BAZ2B: variants seen among roughly 807,000 people sequenced by gnomAD.
The protein encoded by BAZ2B is bromodomain adjacent to zinc finger domain protein 2B.
In BAZ2B, 91 loss-of-function variants were observed where a neutral mutation model predicts 246.0. The observed-to-expected ratio is 0.37, with a 90% confidence interval of 0.31 to 0.44. BAZ2B has a LOEUF of 0.44. Among genes scored for constraint, BAZ2B ranks in the 20% least tolerant of loss-of-function variants. BAZ2B has a pLI of 1.00. For synonymous variants in BAZ2B, 855 were observed against 860.0 expected, an observed-to-expected ratio of 0.99 and a Z score of 0.10; for missense variants, 2,332 against 2,533.7, an observed-to-expected ratio of 0.92 and a Z score of 1.71.
At chr2:159,416,685 A>G (rs2067779615) in intron 13 of BAZ2B, among the ~76,000 whole-genome samples, 1 of 152,226 alleles carries the variant, frequency 6.6e-6, no homozygotes, top group African/African-American at 2.4e-5. Flanking sequence ...CAAAAGAGGA[A>G]CAAAATATGT....
At position 159,433,008 on chromosome 2, in the gene BAZ2B, G is replaced by A; in HGVS notation, c.1649C>T (p.Pro550Leu). Residue 550 changes from proline to leucine, a missense_variant, in exon 9 of 37, where the codon CCT (proline) becomes CTT (leucine). Pro to Leu is a moderately conservative substitution (Grantham distance 98). Around this residue, in one of 9 missense-constraint regions of BAZ2B, gnomAD observed 651 missense variants for 650.9 expected, o/e 1.00. Coordinates refer to ENST00000392783, the MANE Select transcript of BAZ2B (RefSeq NM_013450.4). ...GATGGGAGAGGCAGAGGGCATTACA[G>A]GTGTCTGATTGCCAGGGGTTCTTCT... ...SGRRTPGNQT[P>L]VMPSASPILH... 1 of 1,614,174 alleles carries A rather than the reference G, an allele frequency of 6.2e-7. No homozygotes were observed.
chr2:159,423,687 T>C (rs2069204337), intron 13 of BAZ2B, among the ~76,000 whole-genome samples: 1 of 152,202 alleles, frequency 6.6e-6, no homozygotes, highest in South Asian at 2.1e-4. Flanking sequence ...TATGCAGCCA[T>C]AGAAAGAATG....
chr2:159,478,644 C>G lies in BAZ2B; in HGVS notation c.76G>C (p.Ala26Pro), dbSNP rs1443737572. 6.2e-7 allele frequency: 1 copy of G among 1,611,300 alleles called. No individual in the cohort carries two copies. Among genetic ancestry groups the G allele is most frequent in the Non-Finnish European group, 8.5e-7 (1 of 1,178,388 alleles). Reference protein sequence around the residue: ...TPTSSSTPSVASVVSKGGLST... With the variant: ...TPTSSSTPSVPSVVSKGGLST... The stretch of plus-strand genomic sequence containing the variant: ...AGGCCACCTTTTGAAACTACTGAAG[C>G]CACAGAAGGTGTCGAAGATGAAGTT... The change falls in exon 3 of 37, where the codon GCT (alanine) becomes CCT (proline). Residue 26 changes from alanine to proline, a missense_variant. Coordinates refer to ENST00000392783, the MANE Select transcript of BAZ2B (RefSeq NM_013450.4).
chr2:159,597,026 G>T (rs1284848895), intron 1 of BAZ2B, among the ~76,000 whole-genome samples: 1 of 152,194 alleles, frequency 6.6e-6, no homozygotes, highest in African/African-American at 2.4e-5. Flanking sequence ...GTGTAGAAGT[G>T]TTCACTGTTC....
chr2:159,677,224 T>A, the BAZ2B span, among the ~76,000 whole-genome samples: 1 of 151,584 alleles, frequency 6.6e-6, no homozygotes, highest in Non-Finnish European at 1.5e-5. Context: ...AATACACAGC[T>A]TCCTTCATTT....
chr2:159,679,271 CAAAAAAAAAAAAA>C, the BAZ2B span, among the ~76,000 whole-genome samples: 1 of 64,468 alleles, frequency 1.6e-5, no homozygotes, highest in Non-Finnish European at 2.9e-5. Flanking sequence ...GACTTCATCT[CAAAAAAAAAAAAA>C]AAAAAAAAAA....
chr2:159,628,465 A>C, the BAZ2B span, among the ~76,000 whole-genome samples: 1 of 152,204 alleles, frequency 6.6e-6, no homozygotes, highest in Non-Finnish European at 1.5e-5. Context: ...CTGGTACCGA[A>C]ACAGATATAT....
intron 2 of BAZ2B, among the ~76,000 whole-genome samples, chr2:159,483,638 C>A (rs2079497187): frequency 6.6e-6 from 1 of 151,658 alleles, no homozygotes; most frequent in African/African-American, 2.4e-5. Context: ...TTAGCAAGAC[C>A]CACGCGGTAG....
upstream of BAZ2B, among the ~76,000 whole-genome samples, chr2:159,619,368 A>G (rs1246004401): frequency 6.6e-6 from 1 of 151,722 alleles, no homozygotes. Context: ...ATGTCTTCTA[A>G]AGACATTTTA....
chr2:159,318,164 CA>C (rs563858514), downstream of BAZ2B, among the ~76,000 whole-genome samples: 1 of 150,030 alleles, frequency 6.7e-6, no homozygotes, highest in African/African-American at 2.5e-5. Context: ...ATCTCTAAGG[CA>C]AAAAAAAATC....
At chr2:159,513,479 G>A (rs1318491212) in intron 2 of BAZ2B, among the ~76,000 whole-genome samples, 1 of 152,054 alleles carries the variant, frequency 6.6e-6, no homozygotes, top group African/African-American at 2.4e-5. Context: ...GAACATTTTG[G>A]TCTACCACAT....
At chr2:159,679,830 T>G in the BAZ2B span, among the ~76,000 whole-genome samples, 2 of 152,222 alleles carry the variant, frequency 1.3e-5, no homozygotes, top group African/African-American at 4.8e-5. Flanking sequence ...ATTACCTCTT[T>G]CTCTGCCCAG....
intron 2 of BAZ2B, among the ~76,000 whole-genome samples, chr2:159,545,670 T>G (rs765906533): frequency 2.0e-5 from 3 of 152,162 alleles, no homozygotes; most frequent in Admixed American, 6.5e-5. Context: ...TGAGACAGAC[T>G]CTAATGAAAC....
At chr2:159,641,654 T>C in the BAZ2B span, among the ~76,000 whole-genome samples, 5 of 152,196 alleles carry the variant, frequency 3.3e-5, no homozygotes. Flanking sequence ...TCCTGAATAG[T>C]ATTGCCTAGG....
chr2:159,620,800 A>G (rs971349587), upstream of BAZ2B, among the ~76,000 whole-genome samples: 4 of 152,184 alleles, frequency 2.6e-5, no homozygotes, highest in African/African-American at 9.7e-5. Flanking sequence ...CCTGACAGTA[A>G]AAGGCCTAAG....
intron 3 of BAZ2B, among the ~76,000 whole-genome samples, chr2:159,472,264 T>C (rs1403156284): frequency 1.3e-5 from 2 of 152,236 alleles, no homozygotes; most frequent in African/African-American, 4.8e-5. Context: ...TTGTCTATTA[T>C]TGCTGTATAA....
chr2:159,690,277 C>G, the BAZ2B span: 10 of 320,446 alleles, frequency 3.1e-5, no homozygotes, highest in Admixed American at 2.0e-4. Context: ...TCTTGGCTCC[C>G]TTCTGCCACC....
chr2:159,649,043 G>A, the BAZ2B span, among the ~76,000 whole-genome samples: 1 of 152,072 alleles, frequency 6.6e-6, no homozygotes, highest in East Asian at 1.9e-4. Flanking sequence ...ATCTGGTTGT[G>A]ATATTAATTT....
intron 4 of BAZ2B, among the ~76,000 whole-genome samples, chr2:159,448,781 C>T (rs967185989): frequency 6.6e-6 from 1 of 152,184 alleles, no homozygotes; most frequent in East Asian, 1.9e-4. Context: ...TTTAAGTTTA[C>T]ATCTACAACC....
Sources: allele counts gnomAD v4.1 joint callset (sites outside exome capture counted in the v4.1 genomes callset), GRCh38; gene constraint gnomAD v4.1.1; regional missense constraint gnomAD v4.1.1; transcripts MANE v1.5; gene names NCBI Gene and HGNC (gene_info 2026-07-23, HGNC 2026-07-21).